DNAH3: variants seen among roughly 807,000 people sequenced by gnomAD.
The protein encoded by DNAH3 is axonemal beta dynein heavy chain 3.
In DNAH3, 332 loss-of-function variants were observed where a neutral mutation model predicts 432.5. The observed-to-expected ratio is 0.77, with a 90% CI of 0.70 to 0.84. The LOEUF (loss-of-function observed/expected upper bound fraction) is 0.84, where lower values mean the gene tolerates loss of function less well. Among genes scored for constraint, DNAH3 ranks in the 40% least tolerant of loss-of-function variants. The pLI is 0.00. For missense variants in DNAH3, 4,861 were observed against 5,114.0 expected, an observed-to-expected ratio of 0.95 and a Z score of 1.51; for synonymous variants, 1,956 against 1,900.2, an observed-to-expected ratio of 1.03 and a Z score of -0.76.
At chr16:21,107,103 C>T (rs2091965003) in intron 14 of DNAH3, among the ~76,000 whole-genome samples, 1 of 152,008 alleles carries the variant, frequency 6.6e-6, no homozygotes, top group South Asian at 2.1e-4. Flanking sequence ...TTAATTGACT[C>T]CAAAGCTCAT....
chr16:20,997,197 G>T, intron 44 of DNAH3, 86 bp downstream of exon 44: 1 of 1,412,280 alleles, frequency 7.1e-7, no homozygotes, highest in Non-Finnish European at 9.8e-7. Context: ...AGGACAGACT[G>T]TGGCACACCA....
At chr16:21,139,082 C>T (rs2092683486) in intron 5 of DNAH3, among the ~76,000 whole-genome samples, 1 of 152,108 alleles carries the variant, frequency 6.6e-6, no homozygotes, top group Non-Finnish European at 1.5e-5. Context: ...AAGACATTTG[C>T]TCTAAAGTTT....
At chr16:21,020,677 T>C (rs1219043287) in intron 40 of DNAH3, among the ~76,000 whole-genome samples, 1 of 151,854 alleles carries the variant, frequency 6.6e-6, no homozygotes, top group Non-Finnish European at 1.5e-5. Context: ...GTGCTGGAAT[T>C]ACAAGCGTGA....
chr16:21,156,996 A>AACACACACACACACAC (rs34199213), intron 1 of DNAH3, among the ~76,000 whole-genome samples: 1,841 of 147,508 alleles, frequency 0.012, 45 homozygotes, highest in African/African-American at 0.043. Context: ...AATCTAAGGA[A>AACACACACACACACAC]ACACACACAC....
In DNAH3 at chr16:21,086,862, C is replaced by T. The variant is rs141079263; in HGVS notation, c.2864G>A (p.Arg955Gln). Residue 955 changes from arginine to glutamine, a missense_variant, in exon 19 of 62, where the codon CGA becomes CAA. Coordinates refer to ENST00000261383, the Ensembl canonical transcript of DNAH3. ...ATTGATAGAAACCTGCTGCCAGTGT[C>T]GGTCTTTCATTCCTGGGTTGCAGGA... is the stretch of plus-strand genomic sequence containing the variant. The T allele has an allele frequency of 1.4e-5, 23 of 1,613,968 alleles. No homozygotes were observed. Among genetic ancestry groups the T allele is most frequent in the African/African-American group, 6.7e-5 (5 of 74,926 alleles).
At chr16:21,145,316 C>T (rs148117589) in exon 3 of DNAH3, 7 of 1,614,048 alleles carry the variant, frequency 4.3e-6, no homozygotes, top group Non-Finnish European at 5.1e-6. Context: ...TCACTGGGTC[C>T]ACGGTGGTGA....
exon 30 of DNAH3, chr16:21,049,929 G>T: frequency 6.2e-7 from 1 of 1,614,066 alleles, no homozygotes; most frequent in South Asian, 1.1e-5. Flanking sequence ...CAAGGCTTTG[G>T]CCAAATCTTT....
At chr16:21,037,164 C>T (rs775523420) in intron 34 of DNAH3, among the ~76,000 whole-genome samples, 1 of 152,160 alleles carries the variant, frequency 6.6e-6, no homozygotes, top group African/African-American at 2.4e-5. Context: ...CAAAATTCAG[C>T]TGTGCATGGT....
intron 39 of DNAH3, among the ~76,000 whole-genome samples, chr16:21,023,748 A>G (rs1210769372): frequency 6.6e-6 from 1 of 151,760 alleles, no homozygotes; most frequent in African/African-American, 2.4e-5. Flanking sequence ...GGGAGTCCCT[A>G]AATGACTTTA....
intron 1 of DNAH3, among the ~76,000 whole-genome samples, chr16:21,153,780 G>T (rs78017772): frequency 6.6e-6 from 1 of 152,046 alleles, no homozygotes; most frequent in Non-Finnish European, 1.5e-5. Context: ...GAGGGCCCAC[G>T]GCTTCATTCT....
intron 1 of DNAH3, among the ~76,000 whole-genome samples, chr16:21,154,139 C>G (rs1287829161): frequency 6.6e-6 from 1 of 152,242 alleles, no homozygotes; most frequent in Non-Finnish European, 1.5e-5. Flanking sequence ...CGCGGTGGCC[C>G]ATGCCTATAA....
chr16:21,034,081 T>C (rs749996390), exon 36 of DNAH3: 3 of 1,606,656 alleles, frequency 1.9e-6, no homozygotes, highest in African/African-American at 1.3e-5. Flanking sequence ...CATCATTTCG[T>C]AGATCTGGGA....
chr16:21,031,289 G>A lies in DNAH3; in HGVS notation c.5198-3C>T. On this transcript the variant is annotated splice_polypyrimidine_tract_variant and splice_region_variant and intron_variant, in intron 36 of 61. Coordinates refer to ENST00000261383, the Ensembl canonical transcript of DNAH3. ...AGCAAACTCCTCCATCTGATTGGCT[G>A]GGCAAGAAGGTTCAACACCAGTTAT... 6.2e-7 allele frequency: 1 copy of A among 1,614,082 alleles called. No homozygotes were observed. The highest frequency in any genetic ancestry group is 8.5e-7 in the Non-Finnish European group (1 of 1,180,004).
At chr16:20,987,311 T>C (rs2086244410) in exon 47 of DNAH3, 1 of 1,614,150 alleles carries the variant, frequency 6.2e-7, no homozygotes, top group Non-Finnish European at 8.5e-7. Flanking sequence ...TTACCTTCTC[T>C]ATGGTCTGCT....
At chr16:20,969,445 T>C (rs1483082739) in intron 52 of DNAH3, among the ~76,000 whole-genome samples, 1 of 152,186 alleles carries the variant, frequency 6.6e-6, no homozygotes, top group African/African-American at 2.4e-5. Context: ...TCTCTCTCTC[T>C]GTAGCTCTCC....
intron 1 of DNAH3, among the ~76,000 whole-genome samples, chr16:21,156,006 A>G (rs952779397): frequency 6.6e-6 from 1 of 152,062 alleles, no homozygotes; most frequent in South Asian, 2.1e-4. Context: ...AACAAGAGAC[A>G]TTTATTTCTC....
At chr16:20,953,252 G>A (rs912273719) in intron 55 of DNAH3, among the ~76,000 whole-genome samples, 2 of 151,190 alleles carry the variant, frequency 1.3e-5, no homozygotes, top group African/African-American at 4.9e-5. Context: ...TCCACCTCCT[G>A]GGTTCAAGAG....
intron 51 of DNAH3, among the ~76,000 whole-genome samples, chr16:20,972,739 A>ATTTTTTTTTT (rs34245316): frequency 4.2e-5 from 4 of 95,976 alleles, no homozygotes; most frequent in African/African-American, 9.3e-5. Context: ...ATGCCCCGTG[A>ATTTTTTTTTT]TTTTTTTTTT....
chr16:20,955,193 CATT>C (rs1232585166), intron 54 of DNAH3, 136 bp from the exon 55 acceptor site: 1 of 800,304 alleles, frequency 1.2e-6, no homozygotes, highest in Middle Eastern at 3.3e-4. Context: ...CTATGAAAAA[CATT>C]ATTTTATTGA....
Sources: allele counts gnomAD v4.1 joint callset (sites outside exome capture counted in the v4.1 genomes callset), GRCh38; gene constraint gnomAD v4.1.1; transcripts MANE v1.5; gene names NCBI Gene and HGNC (gene_info 2026-07-23, HGNC 2026-07-21).